EXOC5: variants seen among roughly 807,000 people sequenced by gnomAD.
EXOC5 encodes the protein SEC10-like 1.
EXOC5 carries 17 observed loss-of-function variants against 90.8 expected under a neutral mutation model. The observed-to-expected ratio is 0.19, with a 90% CI of 0.13 to 0.28. EXOC5 has a LOEUF of 0.28. Among genes scored for constraint, EXOC5 ranks in the 10% least tolerant of loss-of-function variants. EXOC5 has a pLI of 1.00. For missense variants in EXOC5, 569 were observed against 830.6 expected (o/e 0.69, Z 3.87); for synonymous variants, 260 against 270.0 (o/e 0.96, Z 0.36).
At chr14:57,268,271 C>A in intron 1 of EXOC5, 2 of 405,674 alleles carry the variant, frequency 4.9e-6, no homozygotes, top group Non-Finnish European at 8.7e-6. Context: ...TCTCTTTCCT[C>A]GTCCTGAGTC....
chr14:57,250,891 T>C (rs1008259591), intron 1 of EXOC5, among the ~76,000 whole-genome samples: 2 of 152,190 alleles, frequency 1.3e-5, no homozygotes, highest in Non-Finnish European at 2.9e-5. Context: ...ATAGCTAGTA[T>C]TTTAGGTTTG....
Position 57,230,446 on chromosome 14 carries a change from A to ACAC in EXOC5, c.1149-566_1149-565insGTG, listed in dbSNP as rs368164739. ...GTAAACACACACACACACACACACA[A>ACAC]ACACACACACAAATTCCTATTATTC... On this transcript the variant is annotated intron_variant, in intron 11 of 17. Transcript: ENST00000621441. Among the ~76,000 whole-genome samples, 1,323 of 148,238 alleles carry ACAC rather than the reference A, an allele frequency of 8.9e-3. 9 individuals are homozygous for ACAC. The highest frequency in any genetic ancestry group is 0.019 in the African/African-American group (750 of 38,780).
At chr14:57,236,177 C>T (rs1883652249) in intron 6 of EXOC5, among the ~76,000 whole-genome samples, 1 of 152,032 alleles carries the variant, frequency 6.6e-6, no homozygotes, top group African/African-American at 2.4e-5. Context: ...AAGAGGACTA[C>T]AGAACTCTTT....
intron 15 of EXOC5, among the ~76,000 whole-genome samples, chr14:57,212,645 T>G (rs1882863244): frequency 6.6e-6 from 1 of 152,210 alleles, no homozygotes; most frequent in African/African-American, 2.4e-5. Context: ...CACCAGATTT[T>G]CATCAGCAAC....
intron 12 of EXOC5, among the ~76,000 whole-genome samples, chr14:57,226,777 G>C (rs530231216): frequency 2.7e-4 from 41 of 152,218 alleles, no homozygotes; most frequent in Non-Finnish European, 8.8e-5. Flanking sequence ...ACAACTGGAT[G>C]CCTAATTGTA....
rs2139655149 is a variant in EXOC5, at chr14:57,247,639, G to C, written c.101C>G (p.Pro34Arg). The part of the protein sequence containing the change: ...RTPGGGSRGG[P>R]EAFDPKRLLE... ...TCACCTTTTAGGATCAAAAGCTTCA[G>C]GTCCACCTCTAGAGCCTCCTCCTGG... The change falls in exon 2 of 18, where the codon CCT (proline) becomes CGT (arginine). Residue 34 changes from proline (P) to arginine (R), a missense_variant. By Grantham distance (103) the Pro-to-Arg change is moderately radical. Coordinates refer to ENST00000621441, the MANE Select transcript of EXOC5 (RefSeq NM_006544.4). 1 of 1,558,458 alleles carries C rather than the reference G, an allele frequency of 6.4e-7. No individual in the cohort carries two copies. Among genetic ancestry groups the C allele is most frequent in the East Asian group, 2.3e-5 (1 of 42,778 alleles).
At chr14:57,266,729 G>T (rs1008956889) in intron 1 of EXOC5, among the ~76,000 whole-genome samples, 3 of 98,306 alleles carry the variant, frequency 3.1e-5, no homozygotes, top group African/African-American at 1.9e-4. Flanking sequence ...GTGTATGTGT[G>T]TGTGTGTATA....
rs1882596347 is a variant in EXOC5, at chr14:57,204,701, A to G, written c.*3908T>C. ...AAAATAATACCAATAAAGATTTGTG[A>G]TAGACATATTTCTATTAGGTACAAA... On this transcript the variant is annotated 3_prime_UTR_variant, in exon 18 of 18. Transcript: ENST00000621441. 1 of 152,490 alleles carries G rather than the reference A, an allele frequency of 6.6e-6. No individual in the cohort carries two copies. The highest frequency in any genetic ancestry group is 2.1e-4 in the South Asian group (1 of 4,832). The allele number at this position is 152,490 out of a possible 1,614,324, so 9.4% of individuals were successfully genotyped here.
At chr14:57,268,535 G>C in intron 1 of EXOC5, 87 bp downstream of exon 1, 1 of 1,540,876 alleles carries the variant, frequency 6.5e-7, no homozygotes, top group Non-Finnish European at 8.7e-7. Flanking sequence ...CTCCTGGGCA[G>C]CCAGCAAACG....
intron 12 of EXOC5, among the ~76,000 whole-genome samples, chr14:57,229,241 TAA>T (rs1209611797): frequency 6.6e-6 from 1 of 152,162 alleles, no homozygotes; most frequent in Non-Finnish European, 1.5e-5. Flanking sequence ...TTCTCCAAAA[TAA>T]AAATCCTATC....
chr14:57,213,829 G>A (rs563444769), intron 15 of EXOC5, among the ~76,000 whole-genome samples: 5 of 151,924 alleles, frequency 3.3e-5, no homozygotes, highest in South Asian at 4.2e-4. Context: ...AATTAGCTGG[G>A]CATGGTGGTG....
chr14:57,266,201 T>A (rs1243756862), intron 1 of EXOC5, among the ~76,000 whole-genome samples: 1 of 152,220 alleles, frequency 6.6e-6, no homozygotes, highest in Non-Finnish European at 1.5e-5. Flanking sequence ...GACTACATCC[T>A]GCCTTCCGTT....
intron 1 of EXOC5, among the ~76,000 whole-genome samples, chr14:57,261,390 C>T (rs866260360): frequency 6.6e-6 from 1 of 152,214 alleles, no homozygotes; most frequent in African/African-American, 2.4e-5. Flanking sequence ...AATTTAATGA[C>T]TTGCTTATTC....
At chr14:57,266,095 T>G (rs1884662205) in intron 1 of EXOC5, among the ~76,000 whole-genome samples, 1 of 152,212 alleles carries the variant, frequency 6.6e-6, no homozygotes, top group African/African-American at 2.4e-5. Flanking sequence ...AAAGCTTAAT[T>G]TTGTTTTCAT....
intron 13 of EXOC5, among the ~76,000 whole-genome samples, chr14:57,219,836 A>T (rs950891351): frequency 1.3e-5 from 2 of 152,102 alleles, no homozygotes; most frequent in Admixed American, 6.6e-5. Context: ...CTAAACTGAC[A>T]CATTTCACTT....
chr14:57,222,542 C>T, intron 12 of EXOC5, 126 bp from the exon 13 acceptor site: 1 of 517,810 alleles, frequency 1.9e-6, no homozygotes, highest in Non-Finnish European at 3.5e-6. Flanking sequence ...ACTCACAGCT[C>T]CCCCCATACT....
chr14:57,232,543 G>T, intron 10 of EXOC5, 124 bp downstream of exon 10: 1 of 531,906 alleles, frequency 1.9e-6, no homozygotes, highest in East Asian at 3.1e-5. Flanking sequence ...ATACAGCTAA[G>T]CATTTAATGC....
rs1311307937 is a variant in EXOC5, at chr14:57,203,854, CAT to C, written c.*4753_*4754del. 6.6e-6 allele frequency: 1 copy of C among 152,542 alleles called. No homozygotes were observed. Among genetic ancestry groups the C allele is most frequent in the Non-Finnish European group, 1.5e-5 (1 of 68,018 alleles). The allele number at this position is 152,542 out of a possible 1,614,324, so 9.4% of individuals were successfully genotyped here. On this transcript the variant is annotated 3_prime_UTR_variant, in exon 18 of 18. Coordinates refer to ENST00000621441, the MANE Select transcript of EXOC5 (RefSeq NM_006544.4). ...CAGTACATATTAATATAGAAAAATA[CAT>C]GTTATCAGCAGCATGATGTTGACCA...
chr14:57,265,075 G>A (rs538088216), intron 1 of EXOC5, among the ~76,000 whole-genome samples: 2 of 150,612 alleles, frequency 1.3e-5, no homozygotes, highest in Admixed American at 1.3e-4. Context: ...AAGGTATACC[G>A]CAAATCTCCA....
Sources: gnomAD v4.1 joint callset for allele counts (sites outside exome capture counted in the v4.1 genomes callset) on GRCh38, gnomAD v4.1.1 for gene constraint, MANE v1.5 for transcripts, NCBI Gene and HGNC (gene_info 2026-07-23, HGNC 2026-07-21) for gene names.